The following UNC5D variants were observed in gnomAD, a reference collection of about 807,000 sequenced individuals.
The protein encoded by UNC5D is unc-5 netrin receptor D.
In UNC5D, 39 loss-of-function variants were observed where a neutral mutation model predicts 105.4. The observed-to-expected ratio is 0.37, with a 90% confidence interval of 0.29 to 0.48. The LOEUF (loss-of-function observed/expected upper bound fraction) is 0.48. UNC5D is among the 20% of genes least tolerant of loss of function. The pLI, the probability that UNC5D is intolerant of heterozygous loss-of-function variation, is 0.98. For synonymous variants in UNC5D, 452 were observed against 450.4 expected, an observed-to-expected ratio of 1.00 and a Z score of -0.04; for missense variants, 991 against 1,202.4, an observed-to-expected ratio of 0.82 and a Z score of 2.60.
intron 1 of UNC5D, among the ~76,000 whole-genome samples, chr8:35,433,040 C>T (rs1294870753): frequency 6.6e-6 from 1 of 152,100 alleles, no homozygotes; most frequent in Non-Finnish European, 1.5e-5. Flanking sequence ...AAAGTGTTGG[C>T]ACTTAACTTT....
chr8:35,350,245 T>C (rs960153812), intron 1 of UNC5D, among the ~76,000 whole-genome samples: 1 of 151,934 alleles, frequency 6.6e-6, no homozygotes, highest in Non-Finnish European at 1.5e-5. Flanking sequence ...TAAGTGTCCA[T>C]TAACTTAAGC....
At chr8:35,511,396 G>A (rs1812687154) in intron 1 of UNC5D, among the ~76,000 whole-genome samples, 3 of 151,222 alleles carry the variant, frequency 2.0e-5, no homozygotes, top group Admixed American at 6.6e-5. Context: ...CCACTTAGGA[G>A]GCTCAGGTGG....
intron 16 of UNC5D, among the ~76,000 whole-genome samples, chr8:35,789,083 C>G (rs1481325917): frequency 2.2e-5 from 3 of 136,710 alleles, no homozygotes; most frequent in Non-Finnish European, 3.1e-5. Context: ...AAAGTGTTAC[C>G]TAACTCAGGG....
At chr8:35,403,162 C>T (rs72634903) in intron 1 of UNC5D, among the ~76,000 whole-genome samples, 1 of 152,346 alleles carries the variant, frequency 6.6e-6, no homozygotes, top group Non-Finnish European at 1.5e-5. Context: ...GAAATGAAAG[C>T]ATAGCTATTT....
chr8:35,418,605 G>T (rs1290284758), intron 1 of UNC5D, among the ~76,000 whole-genome samples: 1 of 152,098 alleles, frequency 6.6e-6, no homozygotes, highest in African/African-American at 2.4e-5. Flanking sequence ...TCAAGATCTG[G>T]TCTCAGTTCC....
chr8:35,423,176 G>T (rs949457965), intron 1 of UNC5D, among the ~76,000 whole-genome samples: 3 of 152,314 alleles, frequency 2.0e-5, no homozygotes, highest in South Asian at 2.1e-4. Context: ...AGTTCAGTTG[G>T]TGAGGAGAGA....
intron 1 of UNC5D, among the ~76,000 whole-genome samples, chr8:35,329,859 T>C (rs1810476191): frequency 6.6e-6 from 1 of 152,098 alleles, no homozygotes; most frequent in Non-Finnish European, 1.5e-5. Flanking sequence ...TTGGATCTTC[T>C]AGCACTTGAG....
intron 4 of UNC5D, among the ~76,000 whole-genome samples, chr8:35,644,131 G>C (rs1157559967): frequency 6.6e-6 from 1 of 152,074 alleles, no homozygotes; most frequent in Non-Finnish European, 1.5e-5. Context: ...ATTTGTAATT[G>C]CTAACAAATA....
At chr8:35,578,082 A>G (rs1387327693) in intron 3 of UNC5D, among the ~76,000 whole-genome samples, 1 of 151,700 alleles carries the variant, frequency 6.6e-6, no homozygotes, top group Non-Finnish European at 1.5e-5. Flanking sequence ...AAAATTAGCT[A>G]GGTGTGGTGG....
At chr8:35,459,424 T>C (rs1046299502) in intron 1 of UNC5D, among the ~76,000 whole-genome samples, 1 of 152,176 alleles carries the variant, frequency 6.6e-6, no homozygotes, top group African/African-American at 2.4e-5. Flanking sequence ...GAAATGTTAT[T>C]GAAGTATAAC....
intron 1 of UNC5D, among the ~76,000 whole-genome samples, chr8:35,358,445 G>A (rs1801677020): frequency 6.6e-6 from 1 of 152,148 alleles, no homozygotes; most frequent in Non-Finnish European, 1.5e-5. Flanking sequence ...GCTGAACAAT[G>A]AGAACACAGG....
chr8:35,488,074 A>C (rs867038478), intron 1 of UNC5D, among the ~76,000 whole-genome samples: 2 of 152,240 alleles, frequency 1.3e-5, no homozygotes, highest in Non-Finnish European at 2.9e-5. Context: ...AAAAATCAGA[A>C]CATGAAGATT....
At chr8:35,264,449 C>A (rs916189476) in intron 1 of UNC5D, among the ~76,000 whole-genome samples, 1 of 152,134 alleles carries the variant, frequency 6.6e-6, no homozygotes, top group African/African-American at 2.4e-5. Flanking sequence ...AATATTTGAC[C>A]GGGTGCAGTG....
intron 13 of UNC5D, among the ~76,000 whole-genome samples, chr8:35,754,888 C>T (rs374628899): frequency 2.0e-5 from 3 of 152,220 alleles, no homozygotes; most frequent in East Asian, 1.9e-4. Flanking sequence ...CATCTAAAAT[C>T]GTCTCTATGA....
intron 4 of UNC5D, among the ~76,000 whole-genome samples, chr8:35,636,825 C>T (rs1822405564): frequency 1.3e-5 from 2 of 152,118 alleles, no homozygotes; most frequent in African/African-American, 4.8e-5. Flanking sequence ...TACAAGTAAC[C>T]CCAGTAACAT....
chr8:35,549,029 CA>C (rs1471124030), intron 1 of UNC5D, among the ~76,000 whole-genome samples: 1 of 152,160 alleles, frequency 6.6e-6, no homozygotes, highest in Non-Finnish European at 1.5e-5. Flanking sequence ...CGCTCGGATT[CA>C]AAACAGAAAT....
At chr8:35,772,925 T>C (rs891038481) in intron 15 of UNC5D, among the ~76,000 whole-genome samples, 8 of 151,790 alleles carry the variant, frequency 5.3e-5, no homozygotes, top group African/African-American at 1.9e-4. Flanking sequence ...CACCCTCAGG[T>C]CCCAGATACA....
intron 4 of UNC5D, among the ~76,000 whole-genome samples, chr8:35,659,001 C>T (rs1202312768): frequency 1.3e-5 from 2 of 152,104 alleles, no homozygotes; most frequent in Non-Finnish European, 2.9e-5. Context: ...AAATGGAAGT[C>T]ATCATGATAG....
At chr8:35,358,966 G>T (rs540514303) in intron 1 of UNC5D, among the ~76,000 whole-genome samples, 1 of 152,200 alleles carries the variant, frequency 6.6e-6, no homozygotes, top group Admixed American at 6.5e-5. Flanking sequence ...AATAGATAAG[G>T]TACAGGTAGA....
Sources: allele counts gnomAD v4.1 joint callset (sites outside exome capture counted in the v4.1 genomes callset), GRCh38; gene constraint gnomAD v4.1.1; transcripts MANE v1.5; gene names NCBI Gene and HGNC (gene_info 2026-07-23, HGNC 2026-07-21).